Variants in PDE8B observed in about 807,000 individuals in gnomAD.
The protein encoded by PDE8B is phosphodiesterase 8B.
In PDE8B, 26 loss-of-function variants were observed where a neutral mutation model predicts 101.3. The observed-to-expected ratio is 0.26, with a 90% CI of 0.19 to 0.36. PDE8B has a LOEUF of 0.36. Ranked by LOEUF, PDE8B falls within the 10% of genes least tolerant of loss-of-function variation. PDE8B has a pLI of 1.00. For missense variants in PDE8B, 810 were observed against 1,163.1 expected, an observed-to-expected ratio of 0.70 and a Z score of 4.42; for synonymous variants, 424 against 429.3, an observed-to-expected ratio of 0.99 and a Z score of 0.15.
chr5:77,112,117 G>A, the PDE8B span: 10 of 152,194 alleles, frequency 6.6e-5, no homozygotes, highest in South Asian at 6.2e-4. Context: ...AACCCAGCAC[G>A]TATTTTATAT....
chr5:77,278,843 G>A (rs1042478100), intron 1 of PDE8B, among the ~76,000 whole-genome samples: 5 of 151,968 alleles, frequency 3.3e-5, no homozygotes, highest in African/African-American at 7.3e-5. Flanking sequence ...AATTTTTTAC[G>A]CTTTTTATCT....
intron 10 of PDE8B, among the ~76,000 whole-genome samples, chr5:77,378,043 CA>C (rs1561612732): frequency 1.9e-5 from 2 of 104,336 alleles, no homozygotes; most frequent in East Asian, 2.3e-4. Context: ...CACACACACA[CA>C]CACACCCCCT....
intron 6 of PDE8B, among the ~76,000 whole-genome samples, chr5:77,342,152 TC>T: frequency 6.6e-6 from 1 of 152,326 alleles, no homozygotes; most frequent in Admixed American, 6.5e-5. Context: ...TTCATTTTTT[TC>T]ACCAAAGCCT....
chr5:77,273,863 C>T (rs1302107026), intron 1 of PDE8B, among the ~76,000 whole-genome samples: 1 of 149,824 alleles, frequency 6.7e-6, no homozygotes, highest in Non-Finnish European at 1.5e-5. Context: ...ATTCTTGTTG[C>T]CCAGGCTGGA....
chr5:77,160,906 G>A, the PDE8B span, among the ~76,000 whole-genome samples: 2 of 152,114 alleles, frequency 1.3e-5, no homozygotes, highest in East Asian at 3.9e-4. Context: ...TATCACCTCA[G>A]CCTCCCAAAG....
chr5:77,367,154 A>AACACACACACAC (rs71736838), intron 10 of PDE8B, among the ~76,000 whole-genome samples: 1 of 144,842 alleles, frequency 6.9e-6, no homozygotes, highest in Non-Finnish European at 1.5e-5. Flanking sequence ...GTTTTCTCAA[A>AACACACACACAC]ACACACACAC....
rs538266797 is a variant in PDE8B at position 77,401,483 on chromosome 5, C to T, written c.1210+1193C>T. ...CATTCCATCTTGGAAGTACAGTTTCCACCATTTATTCTCTTTTTGATCTTG... is the reference window on the plus strand; with the variant it reads ...CATTCCATCTTGGAAGTACAGTTTCTACCATTTATTCTCTTTTTGATCTTG... On this transcript the variant is annotated intron_variant, in intron 11 of 21. Coordinates refer to ENST00000264917, the MANE Select transcript of PDE8B (RefSeq NM_003719.5). Among the ~76,000 whole-genome samples, 3 of 152,268 alleles carry T rather than the reference C, an allele frequency of 2.0e-5. No individual in the cohort carries two copies. In the South Asian group the frequency reaches 6.2e-4, roughly 32 times the overall value.
At chr5:77,322,214 T>C (rs534897195) in intron 2 of PDE8B, among the ~76,000 whole-genome samples, 12 of 151,966 alleles carry the variant, frequency 7.9e-5, no homozygotes, top group African/African-American at 7.3e-5. Context: ...GTGGTGGTGG[T>C]TGGGGAATGG....
chr5:77,195,367 G>A, the PDE8B span, among the ~76,000 whole-genome samples: 1 of 152,206 alleles, frequency 6.6e-6, no homozygotes, highest in Non-Finnish European at 1.5e-5. Flanking sequence ...AATTTTGGGG[G>A]GATGCGTTCA....
intron 10 of PDE8B, among the ~76,000 whole-genome samples, chr5:77,369,447 C>T (rs189070464): frequency 6.6e-6 from 1 of 151,938 alleles, no homozygotes; most frequent in African/African-American, 2.4e-5. Context: ...TGTGCTGGAC[C>T]GAGGTGACAT....
chr5:77,331,346 T>A, intron 4 of PDE8B, 56 bp from the exon 5 acceptor site: 1 of 1,456,388 alleles, frequency 6.9e-7, no homozygotes, highest in Non-Finnish European at 9.6e-7. Flanking sequence ...CGTGTTTCAG[T>A]GTGAGGAATC....
intron 17 of PDE8B, among the ~76,000 whole-genome samples, chr5:77,418,014 C>T (rs370819377): frequency 6.6e-6 from 1 of 152,212 alleles, no homozygotes; most frequent in African/African-American, 2.4e-5. Flanking sequence ...TCTGCTGTAA[C>T]TGTGGCTCAG....
At chr5:77,325,865 T>G in intron 3 of PDE8B, 136 bp downstream of exon 3, 3 of 688,874 alleles carry the variant, frequency 4.4e-6, no homozygotes, top group Non-Finnish European at 7.6e-6. Flanking sequence ...TATACAGATG[T>G]CTGTGGTGAA....
intron 10 of PDE8B, among the ~76,000 whole-genome samples, chr5:77,369,933 A>C (rs1285085785): frequency 6.6e-6 from 1 of 152,248 alleles, no homozygotes; most frequent in Non-Finnish European, 1.5e-5. Context: ...TGTCAGGCAT[A>C]CAGCAAAGTT....
In PDE8B at chr5:77,229,321, C is replaced by T. The variant is rs559180153; in HGVS notation, c.339+18057C>T. Among the ~76,000 whole-genome samples the T allele has an allele frequency of 5.3e-5, 8 of 152,298 alleles. No homozygotes were observed. The South Asian group carries it at 1.0e-3, about 20-fold the overall frequency. On this transcript the variant is annotated intron_variant, in intron 1 of 21. Coordinates refer to ENST00000264917, the MANE Select transcript of PDE8B (RefSeq NM_003719.5). ...GTAAACCTAGACCAAAGGTGGGACA[C>T]GCATTCACTAGTTCTATCCAGTGCT...
chr5:77,338,962 A>C (rs1778682451), intron 6 of PDE8B, among the ~76,000 whole-genome samples: 1 of 152,176 alleles, frequency 6.6e-6, no homozygotes, highest in Admixed American at 6.5e-5. Flanking sequence ...TGCAGTGCAC[A>C]TGGGGCACTG....
In PDE8B at chr5:77,270,859, C is replaced by T. The variant is rs79334582; in HGVS notation, c.340-41135C>T. On this transcript the variant is annotated intron_variant, in intron 1 of 21. Transcript: ENST00000264917. ...TCCTGACCAGGCTTATCTTACCAGC[C>T]GGGTGGGAGTTAGGAGGACTCCGGA... Among the ~76,000 whole-genome samples, 1,299 of 152,290 alleles carry T rather than the reference C, an allele frequency of 8.5e-3. 10 individuals are homozygous for T. The highest frequency in any genetic ancestry group is 0.013 in the Non-Finnish European group (883 of 67,994).
intron 20 of PDE8B, among the ~76,000 whole-genome samples, chr5:77,422,214 A>G (rs1319255024): frequency 6.6e-6 from 1 of 152,202 alleles, no homozygotes; most frequent in Admixed American, 6.5e-5. Context: ...GGATAAACTG[A>G]GCCTTTGGAA....
chr5:77,320,768 T>C (rs1774868940), intron 2 of PDE8B, among the ~76,000 whole-genome samples: 1 of 152,206 alleles, frequency 6.6e-6, no homozygotes, highest in African/African-American at 2.4e-5. Flanking sequence ...CCATTAGTAA[T>C]GATTTTTCAA....
Sources: allele counts gnomAD v4.1 joint callset (sites outside exome capture counted in the v4.1 genomes callset), GRCh38; gene constraint gnomAD v4.1.1; transcripts MANE v1.5; gene names NCBI Gene and HGNC (gene_info 2026-07-23, HGNC 2026-07-21).